SUCO: variants seen among roughly 807,000 people sequenced by gnomAD.
SUCO encodes SUN domain containing ossification factor, also known as SUN domain-containing ossification factor.
In SUCO, 57 loss-of-function variants were observed where a neutral mutation model predicts 148.1. That is an observed-to-expected ratio of 0.38 (90% CI 0.31 to 0.48). The LOEUF is 0.48. SUCO is among the 20% of genes least tolerant of loss of function. SUCO has a pLI of 0.96. For synonymous variants in SUCO, 470 were observed against 502.7 expected (o/e 0.93, Z 0.87); for missense variants, 1,331 against 1,468.2 (o/e 0.91, Z 1.53).
In SUCO at chr1:172,554,285, C is replaced by T. The variant is rs543133646; in HGVS notation, c.288+915C>T. Among the ~76,000 whole-genome samples the T allele has an allele frequency of 4.8e-4, 73 of 152,264 alleles. 1 individual carries two copies. In the South Asian group the frequency reaches 0.014, roughly 30 times the overall value. ...CAATTGTATGACTATCCTGAACACT[C>T]CTACCGTTATTCATAAAACTTTTAT... On this transcript the variant is annotated intron_variant, in intron 3 of 23. Coordinates refer to ENST00000263688, the MANE Select transcript of SUCO (RefSeq NM_014283.5).
At chr1:172,567,446 A>G (rs936384267) in intron 6 of SUCO, among the ~76,000 whole-genome samples, 2 of 152,182 alleles carry the variant, frequency 1.3e-5, no homozygotes, top group Non-Finnish European at 2.9e-5. Context: ...TCTTGAATTT[A>G]GTATTTTTTT....
In SUCO at chr1:172,551,560, GTCA is replaced by G. The variant is rs1558176379; in HGVS notation, c.116_118del (p.Ser39del). On this transcript the variant is annotated inframe_deletion, in exon 2 of 24. Coordinates refer to ENST00000263688, the MANE Select transcript of SUCO (RefSeq NM_014283.5). ...GTAAAGAGAGTTCTTCAGCTTCAGCGTCATCATATTACTCTCAAGATGACAACT... is the reference window on the plus strand; with the variant it reads ...GTAAAGAGAGTTCTTCAGCTTCAGCGTCATATTACTCTCAAGATGACAACT... 1.2e-6 allele frequency: 2 copies of G among 1,611,294 alleles called. No homozygotes were observed. The highest frequency in any genetic ancestry group is 1.1e-5 in the South Asian group (1 of 90,698).
At chr1:172,540,845 A>C (rs1169802859) in intron 1 of SUCO, among the ~76,000 whole-genome samples, 1 of 152,192 alleles carries the variant, frequency 6.6e-6, no homozygotes, top group Non-Finnish European at 1.5e-5. Context: ...AATCTAGTTG[A>C]TATGGGTAAG....
intron 19 of SUCO, among the ~76,000 whole-genome samples, chr1:172,595,365 T>C (rs533940960): frequency 6.6e-6 from 1 of 152,358 alleles, no homozygotes; most frequent in African/African-American, 2.4e-5. Context: ...ATGCAGTTTC[T>C]TCCTAGCCTT....
At chr1:172,600,638 G>A (rs922049149) in intron 20 of SUCO, among the ~76,000 whole-genome samples, 1 of 151,846 alleles carries the variant, frequency 6.6e-6, no homozygotes, top group African/African-American at 2.4e-5. Context: ...AATACATTTA[G>A]TAAATAAATA....
At position 172,610,068 on chromosome 1, in the gene SUCO, T is replaced by C. The variant is rs1658117921; in HGVS notation, c.3574T>C (p.Ser1192Pro). ...SACTSLCNGQ[S>P]QKTKTEKRAL... Reference sequence around the variant, plus strand: ...TTGCACAAGTCTGTGCAATGGACAGTCTCAAAAGACAAAAACTGAGAAGAG... The same window carrying C: ...TTGCACAAGTCTGTGCAATGGACAGCCTCAAAAGACAAAAACTGAGAAGAG... Residue 1192 changes from serine to proline, a missense_variant, in exon 24 of 24, where the codon TCT becomes CCT. Coordinates refer to ENST00000263688, the MANE Select transcript of SUCO (RefSeq NM_014283.5). 1 of 1,613,682 alleles carries C rather than the reference T, an allele frequency of 6.2e-7. No homozygotes were observed. Among genetic ancestry groups the C allele is most frequent in the Admixed American group, 1.7e-5 (1 of 59,942 alleles).
chr1:172,561,573 G>A (rs1347078987), intron 6 of SUCO, among the ~76,000 whole-genome samples: 1 of 152,168 alleles, frequency 6.6e-6, no homozygotes, highest in Admixed American at 6.5e-5. Context: ...GATATCTGCG[G>A]TTGGGCCTTA....
At chr1:172,586,515 C>A (rs939452069) in intron 17 of SUCO, among the ~76,000 whole-genome samples, 4 of 151,990 alleles carry the variant, frequency 2.6e-5, no homozygotes, top group Non-Finnish European at 1.5e-5. Flanking sequence ...TCTTTTCTGC[C>A]AGAGGTGGTT....
At chr1:172,586,553 C>T (rs1656261204) in intron 17 of SUCO, among the ~76,000 whole-genome samples, 1 of 152,018 alleles carries the variant, frequency 6.6e-6, no homozygotes, top group Admixed American at 6.6e-5. Context: ...TACTTCTTAC[C>T]TATAATAAAT....
At chr1:172,539,765 A>T (rs1191101583) in intron 1 of SUCO, among the ~76,000 whole-genome samples, 1 of 152,204 alleles carries the variant, frequency 6.6e-6, no homozygotes, top group Non-Finnish European at 1.5e-5. Flanking sequence ...TAATTTGTTG[A>T]GTAGAAATAA....
Position 172,570,159 on chromosome 1 carries a change from TC to T in SUCO, c.971del (p.Pro324GlnfsTer11), listed in dbSNP as rs778080364. The T allele has an allele frequency of 6.3e-7, 1 of 1,579,150 alleles. No homozygotes were observed. Among genetic ancestry groups the T allele is most frequent in the Admixed American group, 1.8e-5 (1 of 56,942 alleles). On this transcript the variant is annotated frameshift_variant, in exon 8 of 24. Coordinates refer to ENST00000263688, the MANE Select transcript of SUCO (RefSeq NM_014283.5). LOFTEE classifies it high-confidence loss of function. ...GTGGTGCCAAAATTCTAGCAGCTAA[TC>T]CAGAAGCCAAGGTAGGTGTTTAAAT... ...ECGAKILAANPEAKSTSAILI... is the reference protein window; with the variant it reads ...ECGAKILAANXEAKSTSAILI...
intron 15 of SUCO, 29 bp downstream of exon 15, chr1:172,579,296 TCTA>T: frequency 7.1e-7 from 1 of 1,413,972 alleles, no homozygotes; most frequent in Non-Finnish European, 1.0e-6. Context: ...TTCTATTCAT[TCTA>T]CTACTTTTTC....
intron 20 of SUCO, among the ~76,000 whole-genome samples, chr1:172,601,544 T>G (rs1431719157): frequency 6.6e-6 from 1 of 151,792 alleles, no homozygotes; most frequent in African/African-American, 2.4e-5. Context: ...TGAGGTGGTA[T>G]TGACTTAGAG....
intron 22 of SUCO, among the ~76,000 whole-genome samples, chr1:172,606,830 A>G (rs1657896344): frequency 6.6e-6 from 1 of 151,784 alleles, no homozygotes; most frequent in South Asian, 2.1e-4. Context: ...TCTCATATTT[A>G]ATTAAACATA....
intron 19 of SUCO, among the ~76,000 whole-genome samples, chr1:172,592,999 A>C (rs1296583055): frequency 4.6e-5 from 7 of 152,068 alleles, no homozygotes; most frequent in Admixed American, 3.9e-4. Flanking sequence ...CATCCCTTTT[A>C]AGTTGGATTC....
chr1:172,603,515 A>G lies in SUCO; in HGVS notation c.3265+728A>G, dbSNP rs1657664670. ...CATTCCTGGGCTTCACTGTTTTATT[A>G]TTATCACAAAGCTTTACAGACTTAA... is the stretch of plus-strand genomic sequence containing the variant. On this transcript the variant is annotated intron_variant, in intron 22 of 23. Coordinates refer to ENST00000263688, the MANE Select transcript of SUCO (RefSeq NM_014283.5). 2.0e-5 allele frequency among the ~76,000 whole-genome samples: 3 copies of G among 152,022 alleles called. 1 individual carries two copies. The South Asian group carries it at 6.2e-4, about 31-fold the overall frequency.
chr1:172,557,016 A>G (rs1653803990), intron 4 of SUCO: 1 of 977,178 alleles, frequency 1.0e-6, no homozygotes, highest in African/African-American at 1.8e-5. Flanking sequence ...AATGATGGAA[A>G]TTAAACTTTA....
intron 1 of SUCO, among the ~76,000 whole-genome samples, chr1:172,540,218 G>C (rs540099427): frequency 6.6e-6 from 1 of 152,318 alleles, no homozygotes; most frequent in African/African-American, 2.4e-5. Flanking sequence ...CTAAGCCTGT[G>C]TTCTCTTAAC....
Position 172,609,839 on chromosome 1 carries a change from T to C in SUCO, c.3345T>C (p.Ile1115=), listed in dbSNP as rs1402680319. The change falls in exon 24 of 24, where the codon ATT becomes ATC. Residue 1115 remains isoleucine (I), a synonymous_variant. Transcript: ENST00000263688. The part of the protein sequence containing the change: ...EKKKKRCKYK[I]EKIETIKPEE... ...AGAAGAAGCGCTGCAAGTACAAAATTGAAAAAATTGAGACCATAAAGCCTG... is the reference window on the plus strand; with the variant it reads ...AGAAGAAGCGCTGCAAGTACAAAATCGAAAAAATTGAGACCATAAAGCCTG... 3 of 1,596,116 alleles carry C rather than the reference T, an allele frequency of 1.9e-6. No individual in the cohort carries two copies. Among genetic ancestry groups the C allele is most frequent in the Middle Eastern group, 3.4e-4 (2 of 5,936 alleles).
Sources: allele counts gnomAD v4.1 joint callset (sites outside exome capture counted in the v4.1 genomes callset), GRCh38; gene constraint gnomAD v4.1.1; transcripts MANE v1.5; gene names NCBI Gene and HGNC (gene_info 2026-07-23, HGNC 2026-07-21).